Variants in XYLT1 observed in about 807,000 individuals in gnomAD.
XYLT1 encodes the protein xylosyltransferase 1.
A neutral mutation model predicts 91.3 loss-of-function variants in XYLT1; 36 were observed. The ratio of observed to expected loss-of-function variants is 0.39; its 90% CI spans 0.30 to 0.52. XYLT1 has a LOEUF of 0.52. Ranked by LOEUF, XYLT1 falls within the 20% of genes least tolerant of loss-of-function variation. XYLT1 has a pLI of 0.68. For missense variants in XYLT1, 1,242 were observed against 1,284.5 expected, an observed-to-expected ratio of 0.97 and a Z score of 0.51; for synonymous variants, 588 against 532.0, an observed-to-expected ratio of 1.11 and a Z score of -1.45.
intron 1 of XYLT1, among the ~76,000 whole-genome samples, chr16:17,407,852 G>C (rs901301237): frequency 6.6e-6 from 1 of 152,192 alleles, no homozygotes; most frequent in Non-Finnish European, 1.5e-5. Flanking sequence ...GAGGTGTTTG[G>C]GTTTTGAGGG....
In XYLT1 at chr16:17,397,212, A is replaced by C. The variant is rs559567824; in HGVS notation, c.364-39162T>G. Among the ~76,000 whole-genome samples the C allele has an allele frequency of 2.8e-4, 42 of 152,260 alleles. No homozygotes were observed. In the Middle Eastern group the frequency reaches 0.01, roughly 37 times the overall value. On this transcript the variant is annotated intron_variant, in intron 1 of 11. Transcript: ENST00000261381. ...TGGTTAATATTGACTCTTGCATTTC[A>C]GAGTTATTGAGGAGGATGCTTGGAT...
chr16:17,124,584 G>C (rs572971751), intron 10 of XYLT1, among the ~76,000 whole-genome samples: 1 of 152,232 alleles, frequency 6.6e-6, no homozygotes, highest in South Asian at 2.1e-4. Flanking sequence ...TATGTGCCTA[G>C]GCATGATCTT....
chr16:17,189,932 G>A (rs1403787678), intron 5 of XYLT1, among the ~76,000 whole-genome samples: 2 of 152,168 alleles, frequency 1.3e-5, no homozygotes, highest in African/African-American at 4.8e-5. Flanking sequence ...TGTAATTACA[G>A]CTACCTGGGA....
chr16:17,330,686 C>G (rs945605097), intron 2 of XYLT1, among the ~76,000 whole-genome samples: 3 of 151,548 alleles, frequency 2.0e-5, no homozygotes, highest in Non-Finnish European at 4.4e-5. Flanking sequence ...TCCAGCTACT[C>G]GGGAGGCTGA....
At chr16:17,178,774 A>T (rs7198350) in intron 5 of XYLT1, among the ~76,000 whole-genome samples, 75,608 of 152,116 alleles carry the variant, frequency 0.5, 20,604 homozygotes, top group African/African-American at 0.71. Flanking sequence ...TGGCCTTTTA[A>T]TAAAAACTTT....
At chr16:17,325,342 A>C (rs2034783751) in intron 2 of XYLT1, among the ~76,000 whole-genome samples, 1 of 152,216 alleles carries the variant, frequency 6.6e-6, no homozygotes, top group Non-Finnish European at 1.5e-5. Flanking sequence ...TGGAGGTTGC[A>C]GTGAGCCAAG....
At chr16:17,232,387 G>C (rs1382817239) in intron 3 of XYLT1, among the ~76,000 whole-genome samples, 1 of 134,826 alleles carries the variant, frequency 7.4e-6, no homozygotes, top group East Asian at 2.1e-4. Flanking sequence ...GTGCATGACT[G>C]TGTCTGTGTG....
At chr16:17,182,396 G>C (rs1270340504) in intron 5 of XYLT1, among the ~76,000 whole-genome samples, 1 of 152,094 alleles carries the variant, frequency 6.6e-6, no homozygotes, top group Non-Finnish European at 1.5e-5. Context: ...CGAGCTCTCT[G>C]GTGTCTCTTA....
intron 5 of XYLT1, among the ~76,000 whole-genome samples, chr16:17,185,437 G>C (rs961922010): frequency 1.3e-5 from 2 of 152,224 alleles, no homozygotes; most frequent in Non-Finnish European, 2.9e-5. Flanking sequence ...TCAGGAAGCA[G>C]AGTGTGTGTC....
chr16:17,147,148 A>T (rs1281823313), intron 6 of XYLT1, among the ~76,000 whole-genome samples: 1 of 152,202 alleles, frequency 6.6e-6, no homozygotes, highest in African/African-American at 2.4e-5. Context: ...TTTTTGTAAT[A>T]CAGTATTAAC....
At chr16:17,404,807 G>A (rs1181818033) in intron 1 of XYLT1, among the ~76,000 whole-genome samples, 1 of 152,138 alleles carries the variant, frequency 6.6e-6, no homozygotes, top group East Asian at 1.9e-4. Flanking sequence ...ATTCAGAGTT[G>A]TGTACATTCA....
At chr16:17,173,965 C>G (rs191728650) in intron 5 of XYLT1, among the ~76,000 whole-genome samples, 1 of 152,082 alleles carries the variant, frequency 6.6e-6, no homozygotes, top group East Asian at 1.9e-4. Context: ...TTATTTGGCT[C>G]TGAGTGAGGG....
chr16:17,282,961 C>CTT (rs2034079304), intron 2 of XYLT1, among the ~76,000 whole-genome samples: 1 of 88,098 alleles, frequency 1.1e-5, no homozygotes, highest in Non-Finnish European at 2.4e-5. Flanking sequence ...CAATAAGTCA[C>CTT]CCCCCCCAAG....
At chr16:17,325,952 C>T (rs530842018) in intron 2 of XYLT1, among the ~76,000 whole-genome samples, 1 of 152,270 alleles carries the variant, frequency 6.6e-6, no homozygotes, top group South Asian at 2.1e-4. Context: ...GATCCGTGTT[C>T]CGCTTGTCTG....
chr16:17,267,600 G>A (rs1292497556), intron 2 of XYLT1, among the ~76,000 whole-genome samples: 4 of 152,004 alleles, frequency 2.6e-5, no homozygotes, highest in East Asian at 1.9e-4. Flanking sequence ...TAGTAGAGAC[G>A]GGGTTTCACC....
At chr16:17,267,507 C>T (rs1041113657) in intron 2 of XYLT1, among the ~76,000 whole-genome samples, 6 of 152,320 alleles carry the variant, frequency 3.9e-5, no homozygotes, top group Admixed American at 6.5e-5. Context: ...CCCGGGTTCA[C>T]GCCATTCTCC....
intron 4 of XYLT1, 45 bp downstream of exon 4, chr16:17,200,437 A>G (rs756330897): frequency 6.3e-7 from 1 of 1,593,168 alleles, no homozygotes; most frequent in Non-Finnish European, 8.6e-7. Flanking sequence ...GGACGGACAG[A>G]CCCCGAAGAA....
chr16:17,327,602 TCCCGCCCCCCCCC>T lies in XYLT1; in HGVS notation c.402+30397_402+30409del, dbSNP rs1157871559. Among the ~76,000 whole-genome samples the T allele has an allele frequency of 2.5e-4, 27 of 107,112 alleles. 2 individuals are homozygous for T. Among genetic ancestry groups the T allele is most frequent in the African/African-American group, 9.4e-4 (26 of 27,624 alleles). The allele number at this position is 107,112 out of a possible 152,430, so 70.3% of individuals were successfully genotyped here. A position where few individuals can be genotyped will look rare whatever the true frequency, so the allele number is the denominator to read the frequency against. ...TGGTCTCAATCTCCTGACCTCGTGA[TCCCGCCCCCCCCC>T]CCCCCCCCCCCCCGCCTCGGCCTCC... On this transcript the variant is annotated intron_variant, in intron 2 of 11. Coordinates refer to ENST00000261381, the MANE Select transcript of XYLT1 (RefSeq NM_022166.4).
chr16:17,220,079 G>C (rs1185554261), intron 3 of XYLT1, among the ~76,000 whole-genome samples: 2 of 152,144 alleles, frequency 1.3e-5, no homozygotes, highest in Non-Finnish European at 2.9e-5. Flanking sequence ...ATGCAGTTAA[G>C]ATAAGCCTTT....
Sources: allele counts gnomAD v4.1 joint callset (sites outside exome capture counted in the v4.1 genomes callset), GRCh38; gene constraint gnomAD v4.1.1; transcripts MANE v1.5; gene names NCBI Gene and HGNC (gene_info 2026-07-23, HGNC 2026-07-21).